The following COPB1 variants were observed in gnomAD, a reference collection of about 807,000 sequenced individuals.
COPB1 encodes the protein coatomer subunit beta.
COPB1 carries 21 observed loss-of-function variants against 108.7 expected under a neutral mutation model. The observed-to-expected ratio is 0.19, with a 90% confidence interval of 0.14 to 0.28. The LOEUF is 0.28. Among genes scored for constraint, COPB1 ranks in the 10% least tolerant of loss-of-function variants. The pLI is 1.00. For synonymous variants in COPB1, 378 were observed against 386.8 expected (o/e 0.98, Z 0.27); for missense variants, 919 against 1,141.3 (o/e 0.81, Z 2.81).
At chr11:14,497,343 GA>G (rs61639111) in intron 2 of COPB1, among the ~76,000 whole-genome samples, 4 of 148,910 alleles carry the variant, frequency 2.7e-5, no homozygotes, top group South Asian at 2.1e-4. Context: ...AACTCTACAG[GA>G]AAAAAAAAAA....
In COPB1 at chr11:14,475,908, C is replaced by T. The variant is rs796666063; in HGVS notation, c.1493G>A (p.Gly498Asp). Residue 498 changes from glycine to aspartate, a missense_variant, in exon 13 of 22, where the codon GGT (glycine) becomes GAT (aspartate). Gly to Asp is a moderately conservative substitution (Grantham distance 94, BLOSUM62 -1). Coordinates refer to ENST00000439561, the MANE Select transcript of COPB1 (RefSeq NM_001144061.2). ...TATTTCTTCTTCAGGTTTTAATTCA[C>T]CAGCTTCTTTCTTTATTTCTGACTC... Reference protein sequence around the residue: ...IVESEIKKEAGELKPEEEITV... With the variant: ...IVESEIKKEADELKPEEEITV... 6.2e-7 allele frequency: 1 copy of T among 1,611,100 alleles called. No individual in the cohort carries two copies. Among genetic ancestry groups the T allele is most frequent in the Non-Finnish European group, 8.5e-7 (1 of 1,179,168 alleles).
At position 14,494,395 on chromosome 11, in the gene COPB1, T is replaced by C. The variant is rs747703368; in HGVS notation, c.136A>G (p.Ile46Val). Residue 46 changes from isoleucine to valine, a missense_variant, in exon 3 of 22, where the codon ATC (isoleucine) becomes GTC (valine). By Grantham distance (29) the Ile-to-Val change is conservative (BLOSUM62 3). This residue lies in a region of COPB1 where 92 missense variants were observed against 108.4 expected (regional missense o/e 0.85). Coordinates refer to ENST00000439561, the MANE Select transcript of COPB1 (RefSeq NM_001144061.2). ...KSKTEALKKV[I>V]IMILNGEKLP... ...TTTTCACCATTCAGAATCATAATGA[T>C]TACTTTCTTCAAAGCTTCAGTCTTT... 6.2e-7 allele frequency: 1 copy of C among 1,611,212 alleles called. No homozygotes were observed. Among genetic ancestry groups the C allele is most frequent in the Non-Finnish European group, 8.5e-7 (1 of 1,178,072 alleles).
intron 16 of COPB1, among the ~76,000 whole-genome samples, chr11:14,466,799 CAGTA>C (rs1470854134): frequency 6.6e-6 from 1 of 152,172 alleles, no homozygotes; most frequent in African/African-American, 2.4e-5. Context: ...TTAAATCCCT[CAGTA>C]AGTATCTAAA....
chr11:14,476,698 A>G (rs1233362222), intron 12 of COPB1, among the ~76,000 whole-genome samples: 2 of 151,734 alleles, frequency 1.3e-5, no homozygotes, highest in Admixed American at 6.6e-5. Context: ...CTGAAGTCAG[A>G]CTTACTCTAA....
chr11:14,491,437 A>G (rs1004574430), intron 4 of COPB1, among the ~76,000 whole-genome samples: 2 of 152,164 alleles, frequency 1.3e-5, no homozygotes, highest in African/African-American at 4.8e-5. Context: ...TGAGAGGCCC[A>G]GGTGGGCGGA....
intron 16 of COPB1, 109 bp downstream of exon 16, chr11:14,468,572 A>G: frequency 9.4e-7 from 1 of 1,064,008 alleles, no homozygotes; most frequent in Non-Finnish European, 1.4e-6. Flanking sequence ...TAATGGACCT[A>G]TCACAGTGAC....
intron 2 of COPB1, 48 bp downstream of exon 2, chr11:14,498,790 T>C: frequency 2.1e-6 from 3 of 1,444,968 alleles, no homozygotes; most frequent in South Asian, 2.6e-5. Context: ...TTTTTTATTT[T>C]TGTTTTTTCT....
At chr11:14,472,965 G>A (rs1378866412) in intron 14 of COPB1, among the ~76,000 whole-genome samples, 6 of 151,960 alleles carry the variant, frequency 3.9e-5, no homozygotes, top group Non-Finnish European at 7.4e-5. Context: ...AAGCTATTTC[G>A]CTTTCTTTCT....
intron 18 of COPB1, among the ~76,000 whole-genome samples, chr11:14,463,089 T>C (rs1850195170): frequency 6.6e-6 from 1 of 152,180 alleles, no homozygotes; most frequent in African/African-American, 2.4e-5. Context: ...ATAACTAAAG[T>C]TATTTTATCC....
In COPB1 at chr11:14,493,827, AAATATGAAATGCTG is replaced by A; in HGVS notation, c.322-30_322-17del. 2 of 1,528,540 alleles carry A rather than the reference AAATATGAAATGCTG, an allele frequency of 1.3e-6. No individual in the cohort carries two copies. Among genetic ancestry groups the A allele is most frequent in the Non-Finnish European group, 1.8e-6 (2 of 1,136,348 alleles). 94.7% of individuals were successfully genotyped at this position (1,528,540 alleles called of 1,614,324 possible). ...GTTGAAGATCCTGATATAAAAATTAAAATATGAAATGCTGAGTTTCAGCTTTTTACAAAAAGAAA... is the reference window on the plus strand; with the variant it reads ...GTTGAAGATCCTGATATAAAAATTAAAGTTTCAGCTTTTTACAAAAAGAAA... On this transcript the variant is annotated splice_polypyrimidine_tract_variant and intron_variant, in intron 3 of 21. Transcript: ENST00000439561.
intron 16 of COPB1, among the ~76,000 whole-genome samples, chr11:14,468,465 G>A (rs111251564): frequency 0.025 from 3,753 of 152,220 alleles, 181 homozygotes; most frequent in African/African-American, 0.085. Context: ...TATGATTCCA[G>A]ACACAACTGG....
intron 11 of COPB1, among the ~76,000 whole-genome samples, chr11:14,477,604 G>C (rs1259345142): frequency 1.4e-5 from 2 of 147,004 alleles, no homozygotes; most frequent in Non-Finnish European, 3.0e-5. Flanking sequence ...AGGCATAAGA[G>C]CTCCTTGAGG....
intron 20 of COPB1, 76 bp downstream of exon 20, chr11:14,460,132 C>A: frequency 1.2e-6 from 1 of 868,210 alleles, no homozygotes; most frequent in Non-Finnish European, 1.9e-6. Context: ...CAAAAATGTG[C>A]TAGAGGAAAT....
chr11:14,491,392 G>A (rs1043387198), intron 4 of COPB1, among the ~76,000 whole-genome samples: 3 of 152,028 alleles, frequency 2.0e-5, no homozygotes, highest in South Asian at 2.1e-4. Context: ...AGAAGGAGCC[G>A]GGCGCAGTGG....
intron 13 of COPB1, 64 bp from the exon 14 acceptor site, chr11:14,474,679 A>T: frequency 6.3e-7 from 1 of 1,595,762 alleles, no homozygotes; most frequent in East Asian, 2.2e-5. Flanking sequence ...CTTCTGTATA[A>T]ATGAATGATA....
At chr11:14,461,718 T>C (rs1247285895) in intron 18 of COPB1, among the ~76,000 whole-genome samples, 2 of 152,204 alleles carry the variant, frequency 1.3e-5, no homozygotes, top group African/African-American at 4.8e-5. Context: ...GCAGCAGATA[T>C]ACAAGTGGAC....
intron 13 of COPB1, 34 bp from the exon 14 acceptor site, chr11:14,474,649 A>G: frequency 6.2e-7 from 1 of 1,610,492 alleles, no homozygotes; most frequent in Non-Finnish European, 8.5e-7. Flanking sequence ...AAACCCACCA[A>G]CTTGCTAAGC....
chr11:14,460,561 A>G (rs1383100509), intron 19 of COPB1, among the ~76,000 whole-genome samples: 2 of 151,916 alleles, frequency 1.3e-5, no homozygotes, highest in African/African-American at 2.4e-5. Flanking sequence ...TCTGTCACCC[A>G]GGCTAGAGTG....
At chr11:14,487,941 C>T (rs1311112946) in intron 6 of COPB1, among the ~76,000 whole-genome samples, 2 of 152,308 alleles carry the variant, frequency 1.3e-5, no homozygotes, top group South Asian at 2.1e-4. Flanking sequence ...TTTATCAGAA[C>T]ATTAAGATGT....
Sources: allele counts gnomAD v4.1 joint callset (sites outside exome capture counted in the v4.1 genomes callset), GRCh38; gene constraint gnomAD v4.1.1; regional missense constraint gnomAD v4.1.1; transcripts MANE v1.5; gene names NCBI Gene and HGNC (gene_info 2026-07-23, HGNC 2026-07-21).